TRPC4: variants seen among roughly 807,000 people sequenced by gnomAD.
The protein encoded by TRPC4 is transient receptor potential cation channel subfamily C member 4.
Under a neutral mutation model 99.4 loss-of-function variants are expected in TRPC4, and 49 were observed. The observed-to-expected ratio is 0.49, with a 90% confidence interval of 0.39 to 0.63. TRPC4 has a LOEUF of 0.63. Ranked by LOEUF, TRPC4 falls within the 20% of genes least tolerant of loss-of-function variation. TRPC4 has a pLI of 0.00. For synonymous variants in TRPC4, 454 were observed against 425.9 expected (o/e 1.07, Z -0.81); for missense variants, 898 against 1,152.9 (o/e 0.78, Z 3.20).
intron 1 of TRPC4, among the ~76,000 whole-genome samples, chr13:37,808,292 G>T (rs1957583836): frequency 1.3e-5 from 2 of 152,066 alleles, no homozygotes; most frequent in African/African-American, 4.8e-5. Flanking sequence ...GTCTGTTTCA[G>T]AAAAGTACAT....
intron 1 of TRPC4, among the ~76,000 whole-genome samples, chr13:37,812,197 C>CAAAAAAAAAAAA (rs1156963631): frequency 8.5e-4 from 95 of 111,190 alleles, no homozygotes; most frequent in African/African-American, 2.2e-3. Context: ...AAAAAAAAAC[C>CAAAAAAAAAAAA]AGGAGATCTA....
chr13:37,815,691 A>G (rs2139501843), intron 1 of TRPC4, among the ~76,000 whole-genome samples: 1 of 152,126 alleles, frequency 6.6e-6, no homozygotes, highest in Admixed American at 6.6e-5. Flanking sequence ...CCCCACTGGC[A>G]GTATTAGACA....
chr13:37,833,865 T>C lies in TRPC4; in HGVS notation c.-28+35730A>G, dbSNP rs139450193. Among the ~76,000 whole-genome samples the C allele has an allele frequency of 2.9e-4, 44 of 152,312 alleles. No homozygotes were observed. In the East Asian group the frequency reaches 7.5e-3, roughly 26 times the overall value. On this transcript the variant is annotated intron_variant, in intron 1 of 10. Transcript: ENST00000379705. The stretch of plus-strand genomic sequence containing the variant: ...AAAAATGGAGGATATAGTTTTTAAA[T>C]TTTTTTATTGTCTTTGTATTTTAGC...
At chr13:37,776,371 G>A (rs1956703293) in intron 2 of TRPC4, among the ~76,000 whole-genome samples, 1 of 151,780 alleles carries the variant, frequency 6.6e-6, no homozygotes. Flanking sequence ...AACTCATCTA[G>A]CTATGTCTCA....
At chr13:37,676,409 T>A (rs940850193) in intron 4 of TRPC4, among the ~76,000 whole-genome samples, 3 of 150,698 alleles carry the variant, frequency 2.0e-5, no homozygotes, top group Non-Finnish European at 4.4e-5. Context: ...AGTCTCACTT[T>A]GTTGCCAGGC....
At chr13:37,738,332 T>G (rs1008509007) in intron 3 of TRPC4, among the ~76,000 whole-genome samples, 1 of 152,174 alleles carries the variant, frequency 6.6e-6, no homozygotes, top group African/African-American at 2.4e-5. Flanking sequence ...CCAAATTTCT[T>G]CATGCAAAGT....
At chr13:37,836,251 A>G (rs1566210622) in intron 1 of TRPC4, among the ~76,000 whole-genome samples, 1 of 152,190 alleles carries the variant, frequency 6.6e-6, no homozygotes, top group South Asian at 2.1e-4. Context: ...CAGCAGCATG[A>G]AAACAAAATA....
At chr13:37,763,679 A>C (rs1056286987) in intron 2 of TRPC4, among the ~76,000 whole-genome samples, 3 of 151,762 alleles carry the variant, frequency 2.0e-5, no homozygotes, top group Non-Finnish European at 4.4e-5. Context: ...TAATTTTACC[A>C]GATAATATTA....
At chr13:37,673,938 G>T (rs1324128132) in intron 5 of TRPC4, among the ~76,000 whole-genome samples, 1 of 152,108 alleles carries the variant, frequency 6.6e-6, no homozygotes, top group Non-Finnish European at 1.5e-5. Context: ...AAATAGAAAG[G>T]ATTAGAAACT....
chr13:37,658,353 A>T (rs992619771), intron 6 of TRPC4, among the ~76,000 whole-genome samples: 2 of 152,186 alleles, frequency 1.3e-5, no homozygotes, highest in African/African-American at 4.8e-5. Flanking sequence ...ATATTGCTCA[A>T]CATATGCTTT....
At chr13:37,669,310 C>T (rs1469976241) in intron 5 of TRPC4, among the ~76,000 whole-genome samples, 2 of 151,986 alleles carry the variant, frequency 1.3e-5, no homozygotes, top group Non-Finnish European at 2.9e-5. Flanking sequence ...AGAAATAAAC[C>T]AGCCCTAATG....
intron 1 of TRPC4, among the ~76,000 whole-genome samples, chr13:37,859,079 T>A (rs1032622489): frequency 6.0e-5 from 9 of 150,788 alleles, no homozygotes; most frequent in Non-Finnish European, 8.9e-5. Context: ...CACAAAAAAT[T>A]AAAAATAAAA....
chr13:37,643,564 T>C (rs1057137180), intron 8 of TRPC4, among the ~76,000 whole-genome samples: 1 of 152,142 alleles, frequency 6.6e-6, no homozygotes, highest in African/African-American at 2.4e-5. Flanking sequence ...TCTAGATGAT[T>C]GGAGTAGGAT....
intron 8 of TRPC4, among the ~76,000 whole-genome samples, chr13:37,647,787 T>C (rs1218817764): frequency 2.0e-5 from 3 of 152,246 alleles, no homozygotes; most frequent in Non-Finnish European, 2.9e-5. Flanking sequence ...TGTATCTCAT[T>C]GTCTTTGTAT....
At chr13:37,658,510 A>G (rs1195971930) in intron 6 of TRPC4, among the ~76,000 whole-genome samples, 1 of 152,184 alleles carries the variant, frequency 6.6e-6, no homozygotes, top group African/African-American at 2.4e-5. Flanking sequence ...AATTCATCTG[A>G]ATATTTTATC....
At chr13:37,711,119 C>A (rs1345831428) in intron 3 of TRPC4, among the ~76,000 whole-genome samples, 8 of 151,892 alleles carry the variant, frequency 5.3e-5, no homozygotes, top group Admixed American at 2.0e-4. Context: ...GTACTACATA[C>A]CTTTTGCTTA....
At chr13:37,642,561 C>A (rs1466450811) in intron 8 of TRPC4, among the ~76,000 whole-genome samples, 1 of 151,900 alleles carries the variant, frequency 6.6e-6, no homozygotes, top group Non-Finnish European at 1.5e-5. Flanking sequence ...TGGGTTGAGG[C>A]AAGGAGAAGC....
At chr13:37,813,120 A>G (rs1329346696) in intron 1 of TRPC4, among the ~76,000 whole-genome samples, 2 of 151,966 alleles carry the variant, frequency 1.3e-5, no homozygotes, top group Non-Finnish European at 2.9e-5. Flanking sequence ...GGAAAGTCAC[A>G]AATAGTTAGA....
At chr13:37,861,425 A>C (rs967417602) in intron 1 of TRPC4, among the ~76,000 whole-genome samples, 1 of 151,640 alleles carries the variant, frequency 6.6e-6, no homozygotes, top group Admixed American at 6.6e-5. Flanking sequence ...GTAACTGATA[A>C]GAAAGTACTT....
Sources: gnomAD v4.1 joint callset for allele counts (sites outside exome capture counted in the v4.1 genomes callset) on GRCh38, gnomAD v4.1.1 for gene constraint, MANE v1.5 for transcripts, NCBI Gene and HGNC (gene_info 2026-07-23, HGNC 2026-07-21) for gene names.